QSOX2: variants seen among roughly 807,000 people sequenced by gnomAD.
The protein encoded by QSOX2 is quiescin sulfhydryl oxidase 2.
QSOX2 carries 46 observed loss-of-function variants against 61.7 expected under a neutral mutation model. The ratio of observed to expected loss-of-function variants is 0.75; its 90% CI spans 0.59 to 0.95. The LOEUF is 0.95. Among genes scored for constraint, QSOX2 ranks in the 40% least tolerant of loss-of-function variants. QSOX2 has a pLI of 0.00. For missense variants in QSOX2, 879 were observed against 918.9 expected, an observed-to-expected ratio of 0.96 and a Z score of 0.56; for synonymous variants, 383 against 388.4, an observed-to-expected ratio of 0.99 and a Z score of 0.16.
At chr9:136,227,374 T>C (rs1230757811) in intron 1 of QSOX2, among the ~76,000 whole-genome samples, 1 of 152,090 alleles carries the variant, frequency 6.6e-6, no homozygotes, top group East Asian at 1.9e-4. Flanking sequence ...TGTGAAGTGG[T>C]TTCCAACACC....
At chr9:136,242,664 CAG>C (rs1289919613) in intron 1 of QSOX2, among the ~76,000 whole-genome samples, 1 of 152,270 alleles carries the variant, frequency 6.6e-6, no homozygotes, top group Non-Finnish European at 1.5e-5. Flanking sequence ...GGATGACAGA[CAG>C]GGAGCCAGGC....
chr9:136,210,422 A>G (rs1831830779), intron 11 of QSOX2: 1 of 985,428 alleles, frequency 1.0e-6, no homozygotes, highest in Admixed American at 6.1e-5. Flanking sequence ...CTCCAGGTCC[A>G]GGCAGGCCTG....
At chr9:136,217,271 C>G (rs1209080506) in intron 8 of QSOX2, among the ~76,000 whole-genome samples, 1 of 152,242 alleles carries the variant, frequency 6.6e-6, no homozygotes, top group Non-Finnish European at 1.5e-5. Context: ...TGAGAAGATC[C>G]CAGGGCTCTG....
intron 1 of QSOX2, among the ~76,000 whole-genome samples, chr9:136,233,261 A>G (rs965537006): frequency 6.6e-6 from 1 of 152,250 alleles, no homozygotes; most frequent in African/African-American, 2.4e-5. Context: ...TTGTCCCTGA[A>G]GCCAGGAAGT....
chr9:136,215,842 T>TG, intron 9 of QSOX2, among the ~76,000 whole-genome samples: 1 of 152,332 alleles, frequency 6.6e-6, no homozygotes, highest in Admixed American at 6.5e-5. Context: ...TAAGGACTCC[T>TG]GAGCCCAGGA....
chr9:136,223,871 A>G lies in QSOX2; in HGVS notation c.585-18T>C. 1 of 1,612,514 alleles carries G rather than the reference A, an allele frequency of 6.2e-7. No individual in the cohort carries two copies. The highest frequency in any genetic ancestry group is 1.1e-5 in the South Asian group (1 of 91,000). ...CACTGGGCCTTTCAAGAGGAAAAAAAGAGGCTTTTAGTGCCGTCAACAGCA... is the reference window on the plus strand; with the variant it reads ...CACTGGGCCTTTCAAGAGGAAAAAAGGAGGCTTTTAGTGCCGTCAACAGCA... On this transcript the variant is annotated intron_variant, in intron 4 of 11. Transcript: ENST00000358701. This position sits in a 1 kb window ranked among gnomAD's most constrained non-coding sequence, Gnocchi z 4.4.
rs1826777044 is a variant in QSOX2, at chr9:136,209,795, T to C, written c.1550-520A>G. 6 of 985,226 alleles carry C rather than the reference T, an allele frequency of 6.1e-6. No homozygotes were observed. The highest frequency in any genetic ancestry group is 7.2e-6 in the Non-Finnish European group (6 of 829,866). 61.0% of individuals were successfully genotyped at this position (985,226 alleles called of 1,614,324 possible). A position where few individuals can be genotyped will look rare whatever the true frequency, so the allele number is the denominator to read the frequency against. On this transcript the variant is annotated intron_variant, in intron 11 of 11. Coordinates refer to ENST00000358701, the MANE Select transcript of QSOX2 (RefSeq NM_181701.4). This position sits in a 1 kb window ranked among gnomAD's most constrained non-coding sequence, Gnocchi z 5.6. Reference sequence around the variant, plus strand: ...GAAAGGGCAGAGGGGCAGCAATGAATTTCCACTGCACTTCAGGTACACTGG... The same window carrying C: ...GAAAGGGCAGAGGGGCAGCAATGAACTTCCACTGCACTTCAGGTACACTGG...
intron 8 of QSOX2, among the ~76,000 whole-genome samples, chr9:136,217,013 G>A (rs1831922088): frequency 6.6e-6 from 1 of 152,254 alleles, no homozygotes; most frequent in Non-Finnish European, 1.5e-5. Context: ...CTCCGGCCAG[G>A]TGACAGGCAA....
rs142547307 is a variant in QSOX2 at position 136,221,340 on chromosome 9, G to A, written c.821+456C>T. Among the ~76,000 whole-genome samples, 15 of 152,346 alleles carry A rather than the reference G, an allele frequency of 9.8e-5. No individual in the cohort carries two copies. The East Asian group carries it at 1.4e-3, about 14-fold the overall frequency. On this transcript the variant is annotated intron_variant, in intron 6 of 11. Transcript: ENST00000358701. This position sits in a 1 kb window ranked among gnomAD's most constrained non-coding sequence, Gnocchi z 4.5. ...GCAGTTCTTAGAGAAAGAGCAGAAC[G>A]TGAGGGGCAGGGCCTGGTGCCCACC...
intron 10 of QSOX2, among the ~76,000 whole-genome samples, chr9:136,213,450 T>C (rs1030310179): frequency 4.0e-5 from 6 of 151,816 alleles, no homozygotes; most frequent in African/African-American, 1.5e-4. Flanking sequence ...TCAGGCAGTG[T>C]GGATGCTGTG....
At chr9:136,227,007 G>A in intron 1 of QSOX2, 133 bp from the exon 2 acceptor site, 2 of 701,836 alleles carry the variant, frequency 2.8e-6, no homozygotes, top group East Asian at 5.2e-5. Flanking sequence ...TCATCAGTTA[G>A]GCCCTCATCA....
chr9:136,236,725 G>A (rs559197002), intron 1 of QSOX2, among the ~76,000 whole-genome samples: 31 of 151,996 alleles, frequency 2.0e-4, no homozygotes, highest in Non-Finnish European at 3.5e-4. Flanking sequence ...CGTGGAGCTC[G>A]TCCTGGGTCT....
chr9:136,210,826 TTTAA>T (rs1831835046), intron 11 of QSOX2: 1 of 984,950 alleles, frequency 1.0e-6, no homozygotes, highest in Non-Finnish European at 1.2e-6. Context: ...ATGTGCCCTA[TTTAA>T]TTATTTTTTT....
chr9:136,236,764 C>A (rs1037536854), intron 1 of QSOX2, among the ~76,000 whole-genome samples: 2 of 149,092 alleles, frequency 1.3e-5, no homozygotes, highest in Non-Finnish European at 3.0e-5. Context: ...CCTGGGCCAG[C>A]GTCACCTGGT....
chr9:136,240,774 T>C (rs192041733), intron 1 of QSOX2, among the ~76,000 whole-genome samples: 3 of 152,340 alleles, frequency 2.0e-5, no homozygotes, highest in Admixed American at 1.3e-4. Flanking sequence ...CTGGGTCCCA[T>C]GGACTCTTGA....
chr9:136,237,174 T>TGCCCGTCCTGTGCCACACCTGGA (rs1830392326), intron 1 of QSOX2, among the ~76,000 whole-genome samples: 1 of 102,320 alleles, frequency 9.8e-6, no homozygotes, highest in Non-Finnish European at 2.0e-5. Flanking sequence ...CATCACCTGG[T>TGCCCGTCCTGTGCCACACCTGGA]GCCCGTCCTG....
chr9:136,227,781 C>A (rs1462422060), intron 1 of QSOX2, among the ~76,000 whole-genome samples: 2 of 152,066 alleles, frequency 1.3e-5, no homozygotes, highest in East Asian at 1.9e-4. Flanking sequence ...TTGAGACCAG[C>A]CTGGGCAACA....
chr9:136,226,516 C>A (rs1220184199), intron 2 of QSOX2, among the ~76,000 whole-genome samples: 1 of 152,168 alleles, frequency 6.6e-6, no homozygotes, highest in Non-Finnish European at 1.5e-5. Context: ...TTCACGCATC[C>A]CCTCCATGTG....
rs1831978370 is a variant in QSOX2, at chr9:136,221,329, A to T, written c.821+467T>A. 6.6e-6 allele frequency among the ~76,000 whole-genome samples: 1 copy of T among 152,200 alleles called. No homozygotes were observed. The highest frequency in any genetic ancestry group is 2.4e-5 in the African/African-American group (1 of 41,462). On this transcript the variant is annotated intron_variant, in intron 6 of 11. Transcript: ENST00000358701. The surrounding 1 kb of genome is among the most constrained non-coding windows in gnomAD (Gnocchi z 4.5). ...GCCAAGGTTCTGCAGTTCTTAGAGA[A>T]AGAGCAGAACGTGAGGGGCAGGGCC...
Sources: allele counts gnomAD v4.1 joint callset (sites outside exome capture counted in the v4.1 genomes callset), GRCh38; gene constraint gnomAD v4.1.1; non-coding constraint Gnocchi (gnomAD v3.1); transcripts MANE v1.5; gene names NCBI Gene and HGNC (gene_info 2026-07-23, HGNC 2026-07-21).